SCFD2: variants seen among roughly 807,000 people sequenced by gnomAD.
The protein encoded by SCFD2 is sec1 family domain-containing protein 2.
SCFD2 carries 54 observed loss-of-function variants against 58.9 expected under a neutral mutation model. The observed-to-expected ratio is 0.92, with a 90% CI of 0.74 to 1.15. The LOEUF (loss-of-function observed/expected upper bound fraction) is 1.15. Among genes scored for constraint, SCFD2 ranks in the 50% most tolerant of loss-of-function variants. The probability of loss-of-function intolerance (pLI) is 0.00; values close to 1 mark genes in which losing one functional copy is unlikely to be tolerated. For missense variants in SCFD2, 805 were observed against 836.6 expected (o/e 0.96, Z 0.47); for synonymous variants, 321 against 335.9 (o/e 0.96, Z 0.49).
chr4:53,190,530 A>G (rs1263400634), intron 4 of SCFD2, among the ~76,000 whole-genome samples: 1 of 152,084 alleles, frequency 6.6e-6, no homozygotes, highest in Non-Finnish European at 1.5e-5. Context: ...CCTTTTTACA[A>G]TTGCAAACTA....
intron 3 of SCFD2, among the ~76,000 whole-genome samples, chr4:53,303,767 C>T (rs528232980): frequency 6.6e-6 from 1 of 151,790 alleles, no homozygotes; most frequent in East Asian, 1.9e-4. Context: ...GAATACTATG[C>T]AGCCATAAAA....
At chr4:52,893,668 G>A (rs993738728) in intron 7 of SCFD2, among the ~76,000 whole-genome samples, 2 of 152,228 alleles carry the variant, frequency 1.3e-5, no homozygotes, top group Non-Finnish European at 2.9e-5. Flanking sequence ...CTGACCCAGG[G>A]TGGGCCAACT....
intron 6 of SCFD2, among the ~76,000 whole-genome samples, chr4:52,915,127 G>GT (rs1357504197): frequency 3.9e-5 from 6 of 152,148 alleles, no homozygotes; most frequent in African/African-American, 1.4e-4. Context: ...ATAATATATA[G>GT]TAAGTCAGAT....
chr4:53,070,253 A>T (rs965443613), intron 5 of SCFD2, among the ~76,000 whole-genome samples: 3 of 152,060 alleles, frequency 2.0e-5, no homozygotes, highest in African/African-American at 7.2e-5. Context: ...TTAAATTAGG[A>T]TTTTTGACAT....
chr4:53,035,295 C>T (rs1233137396), intron 5 of SCFD2, among the ~76,000 whole-genome samples: 1 of 152,158 alleles, frequency 6.6e-6, no homozygotes, highest in African/African-American at 2.4e-5. Context: ...AAACTGGATC[C>T]CTTCCTTAAA....
chr4:53,101,120 A>C (rs1724822173), intron 5 of SCFD2, among the ~76,000 whole-genome samples: 1 of 152,188 alleles, frequency 6.6e-6, no homozygotes, highest in Non-Finnish European at 1.5e-5. Flanking sequence ...GTATGGTAAA[A>C]TACTTAAACA....
At chr4:53,313,520 T>C in intron 3 of SCFD2, 116 bp downstream of exon 3, 1 of 1,168,546 alleles carries the variant, frequency 8.6e-7, no homozygotes, top group Non-Finnish European at 1.2e-6. Context: ...TTCAACAGTA[T>C]ACAAAAGTCG....
chr4:52,990,154 A>G (rs373991374), intron 5 of SCFD2, among the ~76,000 whole-genome samples: 79 of 152,366 alleles, frequency 5.2e-4, no homozygotes, highest in African/African-American at 1.7e-3. Context: ...GTCAAAAATG[A>G]AAGAGACATC....
At chr4:53,243,395 G>A (rs1235868664) in intron 4 of SCFD2, among the ~76,000 whole-genome samples, 1 of 152,014 alleles carries the variant, frequency 6.6e-6, no homozygotes, top group Non-Finnish European at 1.5e-5. Flanking sequence ...TATAAGCAAA[G>A]AAGAAATAAG....
chr4:53,098,391 G>C (rs180717274), intron 5 of SCFD2, among the ~76,000 whole-genome samples: 2 of 151,996 alleles, frequency 1.3e-5, no homozygotes, highest in Non-Finnish European at 2.9e-5. Context: ...CTTCAATTTC[G>C]GAGCATGTTA....
At position 53,254,907 on chromosome 4, in the gene SCFD2, C is replaced by T. The variant is rs191346183; in HGVS notation, c.1311+18919G>A. Among the ~76,000 whole-genome samples, 384 of 147,978 alleles carry T rather than the reference C, an allele frequency of 2.6e-3. 1 individual carries two copies. Among genetic ancestry groups the T allele is most frequent in the Non-Finnish European group, 4.7e-3 (315 of 67,400 alleles). On this transcript the variant is annotated intron_variant, in intron 4 of 8. Coordinates refer to ENST00000401642, the MANE Select transcript of SCFD2 (RefSeq NM_152540.4). ...TTATTTTTTGAGATGGAGTCTCGCT[C>T]TGTCACCCAGGCTGGAGTGCAGTGG...
At chr4:53,117,091 A>G (rs1160900584) in intron 5 of SCFD2, among the ~76,000 whole-genome samples, 1 of 152,204 alleles carries the variant, frequency 6.6e-6, no homozygotes, top group East Asian at 1.9e-4. Flanking sequence ...ACAGGAGGAG[A>G]GTAGCACTCT....
At chr4:53,262,044 T>C (rs941838489) in intron 4 of SCFD2, among the ~76,000 whole-genome samples, 1 of 152,212 alleles carries the variant, frequency 6.6e-6, no homozygotes, top group African/African-American at 2.4e-5. Flanking sequence ...CTTTAAGGTT[T>C]GTTTTGTCTG....
chr4:53,206,344 C>T (rs1196944286), intron 4 of SCFD2, among the ~76,000 whole-genome samples: 1 of 152,054 alleles, frequency 6.6e-6, no homozygotes, highest in Non-Finnish European at 1.5e-5. Context: ...AATTAGCAAA[C>T]AGAAGATGAA....
intron 4 of SCFD2, among the ~76,000 whole-genome samples, chr4:53,152,812 C>A (rs1726550870): frequency 1.3e-5 from 2 of 152,176 alleles, no homozygotes; most frequent in African/African-American, 2.4e-5. Flanking sequence ...TAGATGTTCC[C>A]ATTCCAAAAA....
At chr4:52,988,879 ACTT>A (rs1577882845) in intron 5 of SCFD2, among the ~76,000 whole-genome samples, 1 of 152,196 alleles carries the variant, frequency 6.6e-6, no homozygotes, top group African/African-American at 2.4e-5. Flanking sequence ...TGATATTAAT[ACTT>A]CTTTTTTACT....
At chr4:52,929,763 T>G (rs1266124181) in intron 5 of SCFD2, among the ~76,000 whole-genome samples, 4 of 152,128 alleles carry the variant, frequency 2.6e-5, no homozygotes, top group Non-Finnish European at 5.9e-5. Context: ...CAGGAAGCAT[T>G]GCTACAAAAA....
chr4:52,882,875 A>C (rs1222106122), intron 8 of SCFD2, among the ~76,000 whole-genome samples: 1 of 152,192 alleles, frequency 6.6e-6, no homozygotes, highest in African/African-American at 2.4e-5. Flanking sequence ...CCAAGCCTCA[A>C]ATAGGCTGCA....
In SCFD2 at chr4:53,145,559, G is replaced by A. The variant is rs1337800097; in HGVS notation, c.1335C>T (p.Ser445=). 16 of 1,613,662 alleles carry A rather than the reference G, an allele frequency of 9.9e-6. No individual in the cohort carries two copies. The highest frequency in any genetic ancestry group is 4.4e-5 in the South Asian group (4 of 91,000). Residue 445 remains serine, a synonymous_variant, in exon 5 of 9, where the codon TCC becomes TCT. Coordinates refer to ENST00000401642, the MANE Select transcript of SCFD2 (RefSeq NM_152540.4). ...LLQSIGESAM[S]VVLNQLLPMI... is the part of the protein sequence containing the mutation. ...TGGGCAGCAGCTGATTTAACACAAC[G>A]GACATTGCTGACTCCCCAATGCTCT...
Sources: gnomAD v4.1 joint callset for allele counts (sites outside exome capture counted in the v4.1 genomes callset) on GRCh38, gnomAD v4.1.1 for gene constraint, MANE v1.5 for transcripts, NCBI Gene and HGNC (gene_info 2026-07-23, HGNC 2026-07-21) for gene names.